The following DAAM1 variants were observed in gnomAD, a reference collection of about 807,000 sequenced individuals.
DAAM1 encodes disheveled-associated activator of morphogenesis 1.
Under a neutral mutation model 130.0 loss-of-function variants are expected in DAAM1, and 52 were observed. The ratio of observed to expected loss-of-function variants is 0.40; its 90% CI spans 0.32 to 0.50. The LOEUF is 0.50. Among genes scored for constraint, DAAM1 ranks in the 20% least tolerant of loss-of-function variants. DAAM1 has a pLI of 0.61. For synonymous variants in DAAM1, 452 were observed against 444.5 expected (o/e 1.02, Z -0.21); for missense variants, 1,134 against 1,303.8 (o/e 0.87, Z 2.01).
chr14:59,321,598 A>G (rs147338870), intron 5 of DAAM1, among the ~76,000 whole-genome samples: 6 of 152,326 alleles, frequency 3.9e-5, no homozygotes, highest in Admixed American at 6.5e-5. Context: ...TGAGGTTCTT[A>G]TAAGTACATT....
At position 59,276,967 on chromosome 14, in the gene DAAM1, GTAAAGAGT is replaced by G. The variant is rs1385540029; in HGVS notation, c.183+13310_183+13317del. Among the ~76,000 whole-genome samples, 8 of 152,268 alleles carry G rather than the reference GTAAAGAGT, an allele frequency of 5.3e-5. No individual in the cohort carries two copies. In the East Asian group the frequency reaches 1.5e-3, roughly 29 times the overall value. ...TATCTAAATATATATTTGTATGTAT[GTAAAGAGT>G]TAGTTAACTCATTAGAAATAGATAT... On this transcript the variant is annotated intron_variant, in intron 2 of 24. Transcript: ENST00000360909.
chr14:59,331,113 T>C lies in DAAM1; in HGVS notation c.1561-96T>C. The C allele has an allele frequency of 5.9e-6, 9 of 1,526,326 alleles. No homozygotes were observed. The South Asian group carries it at 9.2e-5, about 16-fold the overall frequency. 94.5% of individuals were successfully genotyped at this position (1,526,326 alleles called of 1,614,324 possible). ...ACATTCTCAGAAGGGTGAATTTCTC[T>C]ATAATAAACATTTTAGGCCAAGTTA... On this transcript the variant is annotated intron_variant, in intron 13 of 24. Transcript: ENST00000360909.
chr14:59,279,241 CAT>C (rs1430925515), intron 2 of DAAM1, among the ~76,000 whole-genome samples: 5 of 152,150 alleles, frequency 3.3e-5, no homozygotes, highest in Non-Finnish European at 5.9e-5. Context: ...CCCAGACAAT[CAT>C]CCGCTTTCTG....
intron 17 of DAAM1, among the ~76,000 whole-genome samples, chr14:59,350,254 T>A (rs1412716604): frequency 1.3e-5 from 2 of 152,012 alleles, no homozygotes; most frequent in African/African-American, 4.8e-5. Flanking sequence ...CCCCATTCCT[T>A]TCTTCTAGTC....
At chr14:59,358,634 G>C (rs1594849062) in intron 20 of DAAM1, among the ~76,000 whole-genome samples, 2 of 152,100 alleles carry the variant, frequency 1.3e-5, no homozygotes, top group Non-Finnish European at 2.9e-5. Flanking sequence ...CCTGAGGTCA[G>C]GAGTTGGGGA....
intron 17 of DAAM1, among the ~76,000 whole-genome samples, chr14:59,348,164 C>A (rs1232657545): frequency 1.3e-5 from 2 of 152,204 alleles, no homozygotes; most frequent in African/African-American, 4.8e-5. Context: ...CATTGTACAG[C>A]CCCCTCTTGT....
At chr14:59,280,120 C>T (rs1235470140) in intron 2 of DAAM1, among the ~76,000 whole-genome samples, 3 of 152,194 alleles carry the variant, frequency 2.0e-5, no homozygotes, top group African/African-American at 7.2e-5. Flanking sequence ...CTGGAACTGC[C>T]GTGTATTGCT....
chr14:59,262,866 G>A (rs1165569765), intron 1 of DAAM1, among the ~76,000 whole-genome samples: 1 of 152,148 alleles, frequency 6.6e-6, no homozygotes, highest in East Asian at 1.9e-4. Context: ...CAGGGCACTA[G>A]GCCCACAAAA....
chr14:59,287,489 C>T (rs1883513691), intron 2 of DAAM1, among the ~76,000 whole-genome samples: 2 of 152,124 alleles, frequency 1.3e-5, no homozygotes, highest in African/African-American at 4.8e-5. Context: ...GGAAGTCAAA[C>T]TGTGTCTCTT....
At chr14:59,302,502 G>A (rs975252410) in intron 3 of DAAM1, among the ~76,000 whole-genome samples, 5 of 152,098 alleles carry the variant, frequency 3.3e-5, no homozygotes, top group Non-Finnish European at 7.4e-5. Context: ...ACTCACGCCT[G>A]CATTGGTGCT....
chr14:59,367,598 A>G lies in DAAM1; in HGVS notation c.2996A>G (p.Gln999Arg). 6.2e-7 allele frequency: 1 copy of G among 1,611,618 alleles called. No homozygotes were observed. The highest frequency in any genetic ancestry group is 8.5e-7 in the Non-Finnish European group (1 of 1,178,596). The change falls in exon 24 of 25, where the codon CAG (glutamine) becomes CGG (arginine). Residue 999 changes from glutamine to arginine, a missense_variant and splice_region_variant. By Grantham distance (43) the Gln-to-Arg change is conservative. Coordinates refer to ENST00000360909, the MANE Select transcript of DAAM1 (RefSeq NM_001270520.2). The stretch of plus-strand genomic sequence containing the variant: ...GAACGTCGAGCTCGCATGGAAGCTC[A>G]GGTGAGAGGATGATTAATTGACCAA... ...EEERRARMEAQLKEQRERERK... is the reference protein window; with the variant it reads ...EEERRARMEARLKEQRERERK...
chr14:59,189,331 AC>A (rs1414988017), intron 1 of DAAM1, among the ~76,000 whole-genome samples: 9 of 152,206 alleles, frequency 5.9e-5, no homozygotes, highest in Non-Finnish European at 8.8e-5. Context: ...TTCGAAAGGG[AC>A]GGAGCGCCTG....
chr14:59,216,863 A>G (rs17833798), intron 1 of DAAM1, among the ~76,000 whole-genome samples: 9,160 of 152,082 alleles, frequency 0.06, 379 homozygotes, highest in Non-Finnish European at 0.089. Flanking sequence ...AGTTACCTCA[A>G]TTGGAACTAT....
chr14:59,315,434 T>TC, intron 4 of DAAM1, 83 bp downstream of exon 4: 1 of 1,302,882 alleles, frequency 7.7e-7, no homozygotes, highest in South Asian at 1.3e-5. Context: ...TAAATTCGAT[T>TC]GAGTATGACC....
At chr14:59,364,629 C>CT (rs1886842546) in intron 23 of DAAM1, among the ~76,000 whole-genome samples, 1 of 151,078 alleles carries the variant, frequency 6.6e-6, no homozygotes, top group Non-Finnish European at 1.5e-5. Context: ...CCACAACACT[C>CT]TGAGTCTTTT....
intron 1 of DAAM1, among the ~76,000 whole-genome samples, chr14:59,210,624 TCTC>T (rs1247394412): frequency 2.4e-4 from 36 of 152,336 alleles, no homozygotes; most frequent in African/African-American, 8.4e-4. Context: ...TAACATACCC[TCTC>T]CTCATTATCT....
At chr14:59,256,604 A>T (rs1445857950) in intron 1 of DAAM1, among the ~76,000 whole-genome samples, 1 of 152,216 alleles carries the variant, frequency 6.6e-6, no homozygotes, top group African/African-American at 2.4e-5. Context: ...AGAAGCTGAG[A>T]TTAGAAGATG....
At chr14:59,274,285 A>C (rs1282308213) in intron 2 of DAAM1, among the ~76,000 whole-genome samples, 1 of 152,170 alleles carries the variant, frequency 6.6e-6, no homozygotes, top group Non-Finnish European at 1.5e-5. Context: ...AAAACTCAGA[A>C]TATATATATG....
chr14:59,274,768 A>C (rs1882883308), intron 2 of DAAM1, among the ~76,000 whole-genome samples: 3 of 152,030 alleles, frequency 2.0e-5, no homozygotes, highest in Non-Finnish European at 4.4e-5. Context: ...TGATTCTTAT[A>C]CTCTGCCTGC....
Sources: allele counts gnomAD v4.1 joint callset (sites outside exome capture counted in the v4.1 genomes callset), GRCh38; gene constraint gnomAD v4.1.1; transcripts MANE v1.5; gene names NCBI Gene and HGNC (gene_info 2026-07-23, HGNC 2026-07-21).